XDH: variants seen among roughly 807,000 people sequenced by gnomAD.
The protein encoded by XDH is xanthine dehydrogenase/oxidase.
Under a neutral mutation model 156.1 loss-of-function variants are expected in XDH, and 138 were observed. That is an observed-to-expected ratio of 0.88 (90% CI 0.77 to 1.02). XDH has a LOEUF of 1.02. XDH is among the 50% of genes least tolerant of loss of function. XDH has a pLI of 0.00. For missense variants in XDH, 1,849 were observed against 1,684.9 expected (o/e 1.10, Z -1.71); for synonymous variants, 669 against 625.7 (o/e 1.07, Z -1.03).
intron 8 of XDH, 74 bp downstream of exon 8, chr2:31,387,737 G>A (rs572952859): frequency 3.1e-5 from 42 of 1,342,450 alleles, no homozygotes; most frequent in East Asian, 5.0e-5. Context: ...TTCCCAGTGG[G>A]TATGAAAATA....
In XDH at chr2:31,374,822, T is replaced by G. The variant is rs192606017; in HGVS notation, c.1602+558A>C. ...CTCATGCAACCTGGCATAGGATAGG[T>G]GCAAAATAAATTCTTGGTGAACAAA... On this transcript the variant is annotated intron_variant, in intron 15 of 35. Transcript: ENST00000379416. Among the ~76,000 whole-genome samples, 8 of 151,812 alleles carry G rather than the reference T, an allele frequency of 5.3e-5. No individual in the cohort carries two copies. In the South Asian group the frequency reaches 1.3e-3, roughly 24 times the overall value.
intron 1 of XDH, among the ~76,000 whole-genome samples, chr2:31,407,531 TCACTCATATCATGAGACATG>T (rs1687226170): frequency 6.6e-6 from 1 of 152,106 alleles, no homozygotes. Context: ...GAAAAGTGCA[TCACTCATATCATGAGACATG>T]CATGCAAATA....
intron 18 of XDH, among the ~76,000 whole-genome samples, chr2:31,369,531 T>G (rs1316558029): frequency 6.6e-6 from 1 of 152,142 alleles, no homozygotes. Context: ...CTGATAATTA[T>G]CTCTTATGGC....
chr2:31,371,771 G>A lies in XDH; in HGVS notation c.1856+457C>T, dbSNP rs45477294. Among the ~76,000 whole-genome samples the A allele has an allele frequency of 6.0e-3, 908 of 152,116 alleles. 8 individuals are homozygous for A. The highest frequency in any genetic ancestry group is 0.021 in the African/African-American group (890 of 41,436). On this transcript the variant is annotated intron_variant, in intron 17 of 35. Coordinates refer to ENST00000379416, the MANE Select transcript of XDH (RefSeq NM_000379.4). Reference sequence around the variant, plus strand: ...CTGGAGGGATCCCGTCTCCAAACTAGGAGCAGCAGCAGAGAAAAGACCAAT... The same window carrying A: ...CTGGAGGGATCCCGTCTCCAAACTAAGAGCAGCAGCAGAGAAAAGACCAAT...
chr2:31,405,362 C>G (rs889658360), intron 2 of XDH, among the ~76,000 whole-genome samples: 1 of 152,130 alleles, frequency 6.6e-6, no homozygotes. Flanking sequence ...CCCACCCACA[C>G]TGAGTGAAGA....
At chr2:31,392,286 T>C (rs1483301106) in intron 6 of XDH, among the ~76,000 whole-genome samples, 1 of 152,040 alleles carries the variant, frequency 6.6e-6, no homozygotes, top group Non-Finnish European at 1.5e-5. Flanking sequence ...TGATTGTCTG[T>C]TTTCAATGAA....
chr2:31,342,883 A>G (rs1685164035), intron 31 of XDH, among the ~76,000 whole-genome samples: 1 of 152,198 alleles, frequency 6.6e-6, no homozygotes, highest in Non-Finnish European at 1.5e-5. Context: ...TACATTTTTA[A>G]AATTTTCAAT....
chr2:31,403,149 G>A lies in XDH; in HGVS notation c.101-5C>T. 6.2e-7 allele frequency: 1 copy of A among 1,614,070 alleles called. No homozygotes were observed. On this transcript the variant is annotated splice_region_variant and splice_polypyrimidine_tract_variant and intron_variant, in intron 2 of 35. Transcript: ENST00000379416. ...GCTTGGTTCCACTCAGCCCCACTGG[G>A]TGGTCAAGAGTTAAGGAGAATGAAC...
At chr2:31,339,773 C>G in intron 33 of XDH, 96 bp from the exon 34 acceptor site, 1 of 1,502,380 alleles carries the variant, frequency 6.7e-7, no homozygotes, top group Non-Finnish European at 9.1e-7. Flanking sequence ...AACTGCAGCG[C>G]GGCCTGGAAT....
chr2:31,341,418 A>C, intron 32 of XDH, 24 bp from the exon 33 acceptor site: 1 of 1,560,298 alleles, frequency 6.4e-7, no homozygotes, highest in Non-Finnish European at 8.7e-7. Flanking sequence ...CAAAATTACA[A>C]GAAGTTAGAG....
At chr2:31,383,393 T>C (rs949709090) in intron 10 of XDH, among the ~76,000 whole-genome samples, 1 of 152,192 alleles carries the variant, frequency 6.6e-6, no homozygotes, top group African/African-American at 2.4e-5. Flanking sequence ...CTCTTTCCTC[T>C]AAACCAGTAG....
Position 31,342,234 on chromosome 2 carries a change from A to C in XDH, c.3468T>G (p.Tyr1156Ter). 2 of 1,614,162 alleles carry C rather than the reference A, an allele frequency of 1.2e-6. No individual in the cohort carries two copies. Among genetic ancestry groups the C allele is most frequent in the Non-Finnish European group, 1.7e-6 (2 of 1,180,020 alleles). The change falls in exon 32 of 36, where the codon TAT becomes TAG. Residue 1156 changes from tyrosine (Y) to a stop codon, truncating the protein, a stop_gained. Transcript: ENST00000379416. LOFTEE classifies it high-confidence loss of function. ...NSGNPFHYFS[Y>*]GVACSEVEID... Reference sequence around the variant, plus strand: ...TTTCTACTTCAGAGCAAGCCACCCCATAGCTGAAGTAGTGGAAGGGGTTCC... The same window carrying C: ...TTTCTACTTCAGAGCAAGCCACCCCCTAGCTGAAGTAGTGGAAGGGGTTCC...
At chr2:31,342,981 C>T (rs1372010522) in intron 31 of XDH, among the ~76,000 whole-genome samples, 1 of 152,026 alleles carries the variant, frequency 6.6e-6, no homozygotes, top group African/African-American at 2.4e-5. Context: ...ATTCACACAC[C>T]TAGAGTTTAC....
At position 31,341,346 on chromosome 2, in the gene XDH, C is replaced by A. The variant is rs866132465; in HGVS notation, c.3568G>T (p.Ala1190Ser). ...VMDVGSSLNP[A>S]IDIGQVEGAF... is the part of the protein sequence containing the mutation. ...AGCCTCACCTGTCCAATATCAATGG[C>A]AGGGTTTAGACTGGAGCCAACATCC... Residue 1190 changes from alanine to serine, a missense_variant, in exon 33 of 36, where the codon GCC becomes TCC. Transcript: ENST00000379416. The A allele has an allele frequency of 1.9e-6, 3 of 1,576,412 alleles. No individual in the cohort carries two copies. Among genetic ancestry groups the A allele is most frequent in the East Asian group, 2.3e-5 (1 of 43,716 alleles).
At position 31,403,088 on chromosome 2, in the gene XDH, C is replaced by G. The variant is rs1036819861; in HGVS notation, c.157G>C (p.Val53Leu). The change falls in exon 3 of 36, where the codon GTG becomes CTG. Residue 53 changes from valine to leucine, a missense_variant. Physicochemically the swap from Val to Leu is conservative, Grantham distance 32 (BLOSUM62 1). Coordinates refer to ENST00000379416, the MANE Select transcript of XDH (RefSeq NM_000379.4). ...CGEGGCGACT[V>L]MLSKYDRLQN... ...AGACGATCATACTTGGAGAGCATCA[C>G]TGTGCAAGCCCCGCAGCCCCCCTCT... is the stretch of plus-strand genomic sequence containing the variant. 3.7e-6 allele frequency: 6 copies of G among 1,614,080 alleles called. No homozygotes were observed. The Admixed American group carries it at 8.3e-5, about 22-fold the overall frequency.
chr2:31,350,329 C>T, intron 24 of XDH, 106 bp from the exon 25 acceptor site: 2 of 1,059,564 alleles, frequency 1.9e-6, no homozygotes, highest in Non-Finnish European at 2.9e-6. Context: ...TTCCCCTCTG[C>T]ACCCAAGTTA....
chr2:31,376,323 A>G (rs1686243566), intron 14 of XDH, among the ~76,000 whole-genome samples: 1 of 150,206 alleles, frequency 6.7e-6, no homozygotes, highest in South Asian at 2.1e-4. Context: ...TAATAGTAGT[A>G]ACAGAAGCAA....
intron 24 of XDH, among the ~76,000 whole-genome samples, chr2:31,358,266 C>A (rs1685679836): frequency 6.6e-6 from 1 of 152,078 alleles, no homozygotes. Flanking sequence ...GCAATTTAAT[C>A]AATAGTTTTA....
At chr2:31,348,132 C>T (rs1409229737) in intron 28 of XDH, 136 bp downstream of exon 28, 7 of 886,576 alleles carry the variant, frequency 7.9e-6, no homozygotes, top group East Asian at 5.3e-5. Flanking sequence ...AAGACTTGCC[C>T]GAGGCTACAC....
Sources: gnomAD v4.1 joint callset for allele counts (sites outside exome capture counted in the v4.1 genomes callset) on GRCh38, gnomAD v4.1.1 for gene constraint, MANE v1.5 for transcripts, NCBI Gene and HGNC (gene_info 2026-07-23, HGNC 2026-07-21) for gene names.